Variants in CPE observed in about 807,000 individuals in gnomAD.
CPE encodes carbocypeptidase E.
Under a neutral mutation model 53.5 loss-of-function variants are expected in CPE, and 17 were observed. The ratio of observed to expected loss-of-function variants is 0.32; its 90% confidence interval spans 0.22 to 0.48. The LOEUF (loss-of-function observed/expected upper bound fraction) is 0.48. Among genes scored for constraint, CPE ranks in the 20% least tolerant of loss-of-function variants. The pLI is 0.99. For synonymous variants in CPE, 226 were observed against 228.8 expected (o/e 0.99, Z 0.11); for missense variants, 524 against 614.7 (o/e 0.85, Z 1.56).
chr4:165,383,700 G>T (rs779851003), intron 1 of CPE, among the ~76,000 whole-genome samples: 1 of 152,148 alleles, frequency 6.6e-6, no homozygotes, highest in East Asian at 1.9e-4. Context: ...AACATTTAAT[G>T]CTGGCAAAGT....
chr4:165,426,795 T>C (rs1221769491), intron 1 of CPE, among the ~76,000 whole-genome samples: 1 of 152,194 alleles, frequency 6.6e-6, no homozygotes, highest in Non-Finnish European at 1.5e-5. Flanking sequence ...TCTCGTGAGG[T>C]ATCAGCCAGA....
At chr4:165,483,350 A>G (rs1732453471) in intron 4 of CPE, among the ~76,000 whole-genome samples, 1 of 152,234 alleles carries the variant, frequency 6.6e-6, no homozygotes, top group Non-Finnish European at 1.5e-5. Context: ...TTAGTATTGC[A>G]TAGTGTATAT....
At chr4:165,388,920 A>G (rs1211387645) in intron 1 of CPE, among the ~76,000 whole-genome samples, 1 of 152,126 alleles carries the variant, frequency 6.6e-6, no homozygotes, top group Non-Finnish European at 1.5e-5. Context: ...CATTGTGGGA[A>G]CTCAGTAAAT....
At chr4:165,494,833 T>C (rs1181999855) in intron 7 of CPE, among the ~76,000 whole-genome samples, 3 of 152,202 alleles carry the variant, frequency 2.0e-5, no homozygotes, top group Non-Finnish European at 4.4e-5. Flanking sequence ...TGAAATAAGA[T>C]GTAAAGTAAC....
At chr4:165,487,345 A>T in intron 5 of CPE, 93 bp from the exon 6 acceptor site, 1 of 1,530,200 alleles carries the variant, frequency 6.5e-7, no homozygotes, top group Non-Finnish European at 8.8e-7. Context: ...TGGTTTGTGT[A>T]CCTTTTACTT....
intron 2 of CPE, 62 bp downstream of exon 2, chr4:165,464,648 ATGTTTATC>A: frequency 7.2e-7 from 1 of 1,394,812 alleles, no homozygotes; most frequent in Non-Finnish European, 9.6e-7. Flanking sequence ...TTGTACATAC[ATGTTTATC>A]TAAAAATTAT....
chr4:165,407,919 G>A (rs1730978664), intron 1 of CPE, among the ~76,000 whole-genome samples: 2 of 151,666 alleles, frequency 1.3e-5, no homozygotes, highest in South Asian at 4.2e-4. Flanking sequence ...GGGCTCTGGG[G>A]ATCCTCTCAC....
At chr4:165,414,603 G>A (rs1731091582) in intron 1 of CPE, among the ~76,000 whole-genome samples, 1 of 151,924 alleles carries the variant, frequency 6.6e-6, no homozygotes, top group Admixed American at 6.6e-5. Flanking sequence ...GTAGTTTGAT[G>A]AATATTGACT....
At chr4:165,463,261 T>G (rs952618411) in intron 1 of CPE, among the ~76,000 whole-genome samples, 6 of 152,162 alleles carry the variant, frequency 3.9e-5, no homozygotes, top group Non-Finnish European at 8.8e-5. Flanking sequence ...AAAATTAGAT[T>G]ATGTATGGCA....
chr4:165,421,467 G>A (rs1330806433), intron 1 of CPE, among the ~76,000 whole-genome samples: 3 of 152,148 alleles, frequency 2.0e-5, no homozygotes, highest in Admixed American at 6.5e-5. Flanking sequence ...GTGTCTTGCT[G>A]ACAGAGATAG....
chr4:165,479,321 G>C (rs1395976913), intron 3 of CPE, among the ~76,000 whole-genome samples: 1 of 152,124 alleles, frequency 6.6e-6, no homozygotes, highest in Non-Finnish European at 1.5e-5. Flanking sequence ...TGGAAAGAAT[G>C]CATTATTGAA....
intron 1 of CPE, among the ~76,000 whole-genome samples, chr4:165,398,104 T>C (rs561915942): frequency 2.6e-5 from 4 of 151,342 alleles, no homozygotes; most frequent in East Asian, 3.9e-4. Flanking sequence ...TGTTATCTTG[T>C]ACATTCATAC....
chr4:165,404,533 C>T, intron 1 of CPE: 2 of 870,404 alleles, frequency 2.3e-6, no homozygotes, highest in Non-Finnish European at 4.0e-6. Context: ...CAAACTGCTC[C>T]CCAAAGGCTT....
chr4:165,381,661 G>T (rs79354808), intron 1 of CPE, among the ~76,000 whole-genome samples: 65 of 152,150 alleles, frequency 4.3e-4, no homozygotes, highest in African/African-American at 1.4e-3. Context: ...ACTAACAAAA[G>T]TACAAGGTGA....
chr4:165,463,849 G>T lies in CPE; in HGVS notation c.308-541G>T, dbSNP rs544759669. Among the ~76,000 whole-genome samples, 14 of 152,352 alleles carry T rather than the reference G, an allele frequency of 9.2e-5. No homozygotes were observed. In the East Asian group the frequency reaches 1.7e-3, roughly 19 times the overall value. ...GATGGTATATTAGTCTTGTCAGACTGCCATAGCAAAATATCCACAGACTGG... is the reference window on the plus strand; with the variant it reads ...GATGGTATATTAGTCTTGTCAGACTTCCATAGCAAAATATCCACAGACTGG... On this transcript the variant is annotated intron_variant, in intron 1 of 8. Transcript: ENST00000402744.
chr4:165,456,781 GC>G (rs1731910839), intron 1 of CPE, among the ~76,000 whole-genome samples: 1 of 132,672 alleles, frequency 7.5e-6, no homozygotes, highest in Non-Finnish European at 1.5e-5. Context: ...TCACTCTGTC[GC>G]CCAGGCTGGA....
chr4:165,467,144 G>C (rs140223425), intron 2 of CPE, among the ~76,000 whole-genome samples: 1 of 151,884 alleles, frequency 6.6e-6, no homozygotes, highest in Non-Finnish European at 1.5e-5. Flanking sequence ...GCAACATAGC[G>C]AGACCCTGTC....
intron 3 of CPE, among the ~76,000 whole-genome samples, chr4:165,473,180 A>G (rs1046279729): frequency 6.6e-6 from 1 of 152,226 alleles, no homozygotes; most frequent in Non-Finnish European, 1.5e-5. Context: ...CACAACTTAC[A>G]CAGACCATCT....
At chr4:165,422,012 C>T (rs1731232532) in intron 1 of CPE, among the ~76,000 whole-genome samples, 1 of 152,168 alleles carries the variant, frequency 6.6e-6, no homozygotes, top group Non-Finnish European at 1.5e-5. Context: ...ACTAAATACT[C>T]TCCTTGAGGA....
Sources: allele counts gnomAD v4.1 joint callset (sites outside exome capture counted in the v4.1 genomes callset), GRCh38; gene constraint gnomAD v4.1.1; transcripts MANE v1.5; gene names NCBI Gene and HGNC (gene_info 2026-07-23, HGNC 2026-07-21).